The following SCN4A variants were observed in gnomAD, a reference collection of about 807,000 sequenced individuals.
SCN4A encodes sodium voltage-gated channel alpha subunit 4.
SCN4A carries 83 observed loss-of-function variants against 162.0 expected under a neutral mutation model. The observed-to-expected ratio is 0.51, with a 90% CI of 0.43 to 0.61. SCN4A has a LOEUF of 0.61. Ranked by LOEUF, SCN4A falls within the 20% of genes least tolerant of loss-of-function variation. The pLI is 0.00. For missense variants in SCN4A, 2,196 were observed against 2,462.5 expected (o/e 0.89, Z 2.29); for synonymous variants, 944 against 985.1 (o/e 0.96, Z 0.78).
chr17:63,948,161 T>G (rs555629674), intron 16 of SCN4A, 98 bp from the exon 17 acceptor site: 514 of 986,762 alleles, frequency 5.2e-4, no homozygotes, highest in Middle Eastern at 1.3e-3. Flanking sequence ...CCCGGGGGTC[T>G]GCCGTGGGGG....
intron 5 of SCN4A, 52 bp downstream of exon 5, chr17:63,971,110 T>A (rs1358348103): frequency 8.3e-7 from 1 of 1,203,158 alleles, no homozygotes; most frequent in South Asian, 1.3e-5. Context: ...GGCCTGCACA[T>A]GGTACGGGGG....
rs1909240035 is a variant in SCN4A, at chr17:63,961,189, C to T, written c.1845+4G>A. ...GAATGATCCCCTCCCCCGCCCCTCCCTACCAGGTTGCCCACAGTGAGCACG... is the reference window on the plus strand; with the variant it reads ...GAATGATCCCCTCCCCCGCCCCTCCTTACCAGGTTGCCCACAGTGAGCACG... On this transcript the variant is annotated splice_donor_region_variant and intron_variant, in intron 11 of 23. Coordinates refer to ENST00000435607, the MANE Select transcript of SCN4A (RefSeq NM_000334.4). 4 of 1,512,306 alleles carry T rather than the reference C, an allele frequency of 2.6e-6. No individual in the cohort carries two copies. The highest frequency in any genetic ancestry group is 2.8e-5 in the African/African-American group (2 of 72,422). The allele number at this position is 1,512,306 out of a possible 1,614,324, so 93.7% of individuals were successfully genotyped here.
chr17:63,964,198 G>T lies in SCN4A; in HGVS notation c.1452+270C>A, dbSNP rs917557. ...AAAATCAGAAATATTTGAGCTGGAA[G>T]AATACTTCAGGTTTAGCTACTCCAG... On this transcript the variant is annotated intron_variant, in intron 9 of 23. Coordinates refer to ENST00000435607, the MANE Select transcript of SCN4A (RefSeq NM_000334.4). Among the ~76,000 whole-genome samples the T allele has an allele frequency of 0.79, 120,857 of 152,158 alleles. 50,183 individuals carry two copies. The highest frequency in any genetic ancestry group is 0.97 in the East Asian group (5,038 of 5,184).
Position 63,964,517 on chromosome 17 carries a change from A to G in SCN4A, c.1403T>C (p.Phe468Ser). Residue 468 changes from phenylalanine (F) to serine (S), a missense_variant, in exon 9 of 24, where the codon TTT becomes TCT. Physicochemically the swap from Phe to Ser is radical, Grantham distance 155 (BLOSUM62 -2). Transcript: ENST00000435607. Reference protein sequence around the residue: ...LAEDKEKEEEFQQMLEKFKKH... With the variant: ...LAEDKEKEEESQQMLEKFKKH... ...TTTGAACTTCTCAAGCATCTGCTGA[A>G]ACTCCTCCTCTTTCTCCTTATCCTC... 1 of 1,613,992 alleles carries G rather than the reference A, an allele frequency of 6.2e-7. No individual in the cohort carries two copies. The highest frequency in any genetic ancestry group is 2.2e-5 in the East Asian group (1 of 44,884).
rs551096353 is a variant in SCN4A, at chr17:63,948,826, G to A, written c.2990-61C>T. The A allele has an allele frequency of 2.0e-5, 30 of 1,486,760 alleles. No individual in the cohort carries two copies. In the South Asian group the frequency reaches 3.5e-4, roughly 17 times the overall value. 92.1% of individuals were successfully genotyped at this position (1,486,760 alleles called of 1,614,324 possible). ...ATCATGGGCCTGGGGTTGCCTTGGGGTGCACAGTCAGCGCCCTCCCATGGC... is the reference window on the plus strand; with the variant it reads ...ATCATGGGCCTGGGGTTGCCTTGGGATGCACAGTCAGCGCCCTCCCATGGC... On this transcript the variant is annotated intron_variant, in intron 15 of 23. Coordinates refer to ENST00000435607, the MANE Select transcript of SCN4A (RefSeq NM_000334.4).
rs1358028812 is a variant in SCN4A, at chr17:63,971,721, C to T, written c.611+1G>A. On this transcript the variant is annotated splice_donor_variant, in intron 4 of 23. Transcript: ENST00000435607. LOFTEE classifies it high-confidence loss of function. Reference sequence around the variant, plus strand: ...CAGGATGTCCTGGGGCCCCTGCTCACGCCATCATGATGACACTGAAGTCCA... The same window carrying T: ...CAGGATGTCCTGGGGCCCCTGCTCATGCCATCATGATGACACTGAAGTCCA... 3 of 1,590,088 alleles carry T rather than the reference C, an allele frequency of 1.9e-6. No homozygotes were observed. Among genetic ancestry groups the T allele is most frequent in the East Asian group, 2.3e-5 (1 of 43,762 alleles).
At chr17:63,942,149 C>A (rs548798357) in intron 23 of SCN4A, among the ~76,000 whole-genome samples, 156 bp from the exon 24 acceptor site, 2 of 152,002 alleles carry the variant, frequency 1.3e-5, no homozygotes, top group African/African-American at 4.8e-5. Context: ...GGCTCTCCCA[C>A]GGGTCTTGGG....
In SCN4A at chr17:63,972,752, C is replaced by A. The variant is rs945475945; in HGVS notation, c.90G>T (p.Gln30His). ...FTRESLAAIE[Q>H]RAVEEEARLQ... is the part of the protein sequence containing the mutation. ...GCCGGGCCTCCTCCTCCACCGCCCG[C>A]TGTTCTATGGCTGCCAGTGACTCCC... The change falls in exon 1 of 24, where the codon CAG (glutamine) becomes CAT (histidine). Residue 30 changes from glutamine to histidine, a missense_variant. Transcript: ENST00000435607. This position sits in a 1 kb window ranked among gnomAD's most constrained non-coding sequence, Gnocchi z 4.3. 6.2e-7 allele frequency: 1 copy of A among 1,613,806 alleles called. No homozygotes were observed.
intron 12 of SCN4A, among the ~76,000 whole-genome samples, chr17:63,958,135 C>T (rs1027695670): frequency 1.3e-5 from 2 of 151,968 alleles, no homozygotes; most frequent in Admixed American, 6.6e-5. Context: ...TTTGGGAGGC[C>T]GAAGAAGGTG....
At chr17:63,948,402 C>A (rs1419754057) in intron 16 of SCN4A, among the ~76,000 whole-genome samples, 2 of 152,200 alleles carry the variant, frequency 1.3e-5, no homozygotes, top group Non-Finnish European at 2.9e-5. Context: ...AAAGTCAGCA[C>A]CCACGTAATA....
Position 63,957,157 on chromosome 17 carries a change from C to T in SCN4A, c.2376+5G>A. The T allele has an allele frequency of 1.3e-6, 2 of 1,560,572 alleles. No homozygotes were observed. The highest frequency in any genetic ancestry group is 1.7e-6 in the Non-Finnish European group (2 of 1,146,926). On this transcript the variant is annotated splice_donor_5th_base_variant and intron_variant, in intron 13 of 23. Transcript: ENST00000435607. The stretch of plus-strand genomic sequence containing the variant: ...GGCAGGGGCCACCCAGCCAGCCTCA[C>T]TCACCACAAGATTGCCGATGACCAT...
In SCN4A at chr17:63,961,175, T is replaced by TCCCCCCCCCCC; in HGVS notation, c.1845+17_1845+18insGGGGGGGGGGG. On this transcript the variant is annotated intron_variant, in intron 11 of 23. Transcript: ENST00000435607. ...CCCATCCTGCCCATGAATGATCCCCTCCCCCGCCCCTCCCTACCAGGTTGC... is the reference window on the plus strand; with the variant it reads ...CCCATCCTGCCCATGAATGATCCCCTCCCCCCCCCCCCCCCCGCCCCTCCCTACCAGGTTGC... 1 of 298,154 alleles carries TCCCCCCCCCCC rather than the reference T, an allele frequency of 3.4e-6. No individual in the cohort carries two copies. Among genetic ancestry groups the TCCCCCCCCCCC allele is most frequent in the Non-Finnish European group, 6.8e-6 (1 of 147,988 alleles). 18.5% of individuals were successfully genotyped at this position (298,154 alleles called of 1,614,324 possible).
At chr17:63,954,179 G>C (rs929702763) in intron 13 of SCN4A, among the ~76,000 whole-genome samples, 1 of 152,174 alleles carries the variant, frequency 6.6e-6, no homozygotes, top group Admixed American at 6.5e-5. Flanking sequence ...AGGTCTTCTC[G>C]TCATTGTCTT....
Position 63,947,141 on chromosome 17 carries a change from G to A in SCN4A, c.3345C>T (p.Asn1115=). Residue 1115 remains asparagine (N), a synonymous_variant, in exon 18 of 24, where the codon AAC becomes AAT. Transcript: ENST00000435607. ...VDVSIISLVA[N]WLGYSELGPI... ...GTCCCAGCTCCGAGTAGCCCAGCCAGTTGGCCACCAAGCTGATGATGGAGA... is the reference window on the plus strand; with the variant it reads ...GTCCCAGCTCCGAGTAGCCCAGCCAATTGGCCACCAAGCTGATGATGGAGA... 1 of 1,613,538 alleles carries A rather than the reference G, an allele frequency of 6.2e-7. No homozygotes were observed. Among genetic ancestry groups the A allele is most frequent in the Non-Finnish European group, 8.5e-7 (1 of 1,179,792 alleles).
chr17:63,948,924 C>T (rs1018605386), intron 15 of SCN4A, among the ~76,000 whole-genome samples, 159 bp from the exon 16 acceptor site: 1 of 152,172 alleles, frequency 6.6e-6, no homozygotes, highest in Non-Finnish European at 1.5e-5. Context: ...CCATCTGGCT[C>T]ACATGGGGGA....
In SCN4A at chr17:63,944,654, G is replaced by T. The variant is rs1293156630; in HGVS notation, c.3912+19C>A. ...AGGCCCAGCACCGGGAGGGCCCGAG[G>T]GGCTGGGCTGATACTCATCTTCTTC... On this transcript the variant is annotated intron_variant, in intron 21 of 23. Coordinates refer to ENST00000435607, the MANE Select transcript of SCN4A (RefSeq NM_000334.4). This position sits in a 1 kb window ranked among gnomAD's most constrained non-coding sequence, Gnocchi z 4.3. The T allele has an allele frequency of 9.4e-6, 15 of 1,588,766 alleles. No individual in the cohort carries two copies. Among genetic ancestry groups the T allele is most frequent in the Non-Finnish European group, 1.3e-5 (15 of 1,167,376 alleles).
chr17:63,954,142 A>G (rs976364566), intron 13 of SCN4A, among the ~76,000 whole-genome samples: 3 of 151,922 alleles, frequency 2.0e-5, no homozygotes, highest in African/African-American at 7.3e-5. Flanking sequence ...GGCGGGTCTC[A>G]CTCCTGGCTC....
Position 63,945,318 on chromosome 17 carries a change from C to A in SCN4A, c.3720+42G>T. On this transcript the variant is annotated intron_variant, in intron 19 of 23. Coordinates refer to ENST00000435607, the MANE Select transcript of SCN4A (RefSeq NM_000334.4). This position sits in a 1 kb window ranked among gnomAD's most constrained non-coding sequence, Gnocchi z 4.4. ...AACGAGAGGACCGGGGTGGGGGGCA[C>A]CTCCATCCAGGTTCCCGGCAGGGGT... The A allele has an allele frequency of 6.4e-7, 1 of 1,567,420 alleles. No homozygotes were observed. The highest frequency in any genetic ancestry group is 1.2e-5 in the South Asian group (1 of 86,612).
At chr17:63,943,676 T>C in intron 22 of SCN4A, 70 bp downstream of exon 22, 1 of 999,424 alleles carries the variant, frequency 1.0e-6, no homozygotes, top group Non-Finnish European at 1.5e-6. Context: ...CAGGAAACCT[T>C]TTACCCCCAT....
Sources: allele counts gnomAD v4.1 joint callset (sites outside exome capture counted in the v4.1 genomes callset), GRCh38; gene constraint gnomAD v4.1.1; non-coding constraint Gnocchi (gnomAD v3.1); transcripts MANE v1.5; gene names NCBI Gene and HGNC (gene_info 2026-07-23, HGNC 2026-07-21).